CHST10: variants seen among roughly 807,000 people sequenced by gnomAD.
The protein encoded by CHST10 is carbohydrate sulfotransferase 10.
Under a neutral mutation model 34.7 loss-of-function variants are expected in CHST10, and 24 were observed. The ratio of observed to expected loss-of-function variants is 0.69; its 90% CI spans 0.50 to 0.97. CHST10 has a LOEUF of 0.97. Among genes scored for constraint, CHST10 ranks in the 50% least tolerant of loss-of-function variants. CHST10 has a pLI of 0.00. For missense variants in CHST10, 402 were observed against 452.1 expected, an observed-to-expected ratio of 0.89 and a Z score of 1.00; for synonymous variants, 161 against 169.3, an observed-to-expected ratio of 0.95 and a Z score of 0.38.
intron 5 of CHST10, among the ~76,000 whole-genome samples, chr2:100,397,508 G>A (rs1400594395): frequency 6.6e-5 from 10 of 152,212 alleles, no homozygotes; most frequent in Non-Finnish European, 1.5e-5. Context: ...TCACTGCAGA[G>A]AGGGTGACCG....
chr2:100,400,145 G>A (rs1675270729), intron 4 of CHST10, among the ~76,000 whole-genome samples: 1 of 152,196 alleles, frequency 6.6e-6, no homozygotes, highest in African/African-American at 2.4e-5. Flanking sequence ...GTTCCCTTTA[G>A]AAAATGCAGA....
At position 100,395,489 on chromosome 2, in the gene CHST10, T is replaced by G; in HGVS notation, c.533+20A>C. ...GGTTTACAAAAACTCCCCCCTCCCC[T>G]TTGAGGAAGCTGTTCTCACCGCTTC... is the stretch of plus-strand genomic sequence containing the variant. On this transcript the variant is annotated intron_variant, in intron 6 of 6. Coordinates refer to ENST00000264249, the MANE Select transcript of CHST10 (RefSeq NM_004854.5). The G allele has an allele frequency of 6.2e-7, 1 of 1,601,928 alleles. No homozygotes were observed. The highest frequency in any genetic ancestry group is 8.5e-7 in the Non-Finnish European group (1 of 1,169,790).
At chr2:100,414,222 G>A (rs1675968366) in intron 2 of CHST10, among the ~76,000 whole-genome samples, 3 of 152,166 alleles carry the variant, frequency 2.0e-5, no homozygotes, top group African/African-American at 7.2e-5. Flanking sequence ...CTCATGCAGA[G>A]TGGGCAAGCA....
At chr2:100,399,986 G>A (rs1161615780) in intron 4 of CHST10, among the ~76,000 whole-genome samples, 3 of 152,114 alleles carry the variant, frequency 2.0e-5, no homozygotes, top group Non-Finnish European at 4.4e-5. Flanking sequence ...AACGGGTCTC[G>A]TTTAACCTCA....
chr2:100,398,928 CT>C (rs553649165), intron 4 of CHST10, among the ~76,000 whole-genome samples: 3 of 152,194 alleles, frequency 2.0e-5, no homozygotes, highest in South Asian at 4.1e-4. Flanking sequence ...CAGAGGCCCC[CT>C]GTCCTCGGTG....
rs533584347 is a variant in CHST10, at chr2:100,400,108, G to A, written c.193-1966C>T. Among the ~76,000 whole-genome samples the A allele has an allele frequency of 7.1e-4, 108 of 152,304 alleles. 1 individual carries two copies. The highest frequency in any genetic ancestry group is 1.1e-3 in the Non-Finnish European group (74 of 68,030). On this transcript the variant is annotated intron_variant, in intron 4 of 6. Transcript: ENST00000264249. Reference sequence around the variant, plus strand: ...ATCATGGATGGCACTCAAGAACAGCGCATCAGGAGAGAGCACCTCCCAACA... The same window carrying A: ...ATCATGGATGGCACTCAAGAACAGCACATCAGGAGAGAGCACCTCCCAACA...
At chr2:100,416,561 G>A (rs1676076258) in intron 1 of CHST10, 1 of 166,318 alleles carries the variant, frequency 6.0e-6, no homozygotes, top group Admixed American at 5.8e-5. Flanking sequence ...TTGGTTATCA[G>A]AGAGCCAGAG....
intron 1 of CHST10, 101 bp from the exon 2 acceptor site, chr2:100,415,212 T>C (rs1676017500): frequency 7.0e-6 from 4 of 569,596 alleles, no homozygotes; most frequent in Admixed American, 3.8e-5. Context: ...TAGTGAACCA[T>C]TTTGATGATT....
At chr2:100,414,788 C>CAAT (rs1346581683) in intron 2 of CHST10, among the ~76,000 whole-genome samples, 2 of 152,016 alleles carry the variant, frequency 1.3e-5, no homozygotes, top group African/African-American at 4.8e-5. Context: ...TTTTCATGAA[C>CAAT]AATAATAATA....
intron 2 of CHST10, 22 bp downstream of exon 2, chr2:100,415,019 G>C: frequency 5.4e-6 from 7 of 1,296,680 alleles, no homozygotes; most frequent in Non-Finnish European, 7.1e-6. Context: ...TAACTGATGA[G>C]CTCACATTCT....
intron 4 of CHST10, among the ~76,000 whole-genome samples, chr2:100,400,971 G>A (rs555018348): frequency 3.3e-5 from 5 of 152,302 alleles, no homozygotes; most frequent in African/African-American, 1.2e-4. Flanking sequence ...GTGAGGCACC[G>A]CACCTGGCCA....
At chr2:100,403,680 C>A (rs1675439625) in intron 3 of CHST10, among the ~76,000 whole-genome samples, 1 of 152,162 alleles carries the variant, frequency 6.6e-6, no homozygotes, top group African/African-American at 2.4e-5. Context: ...AGCCCGGGAG[C>A]ACTGAGGCCA....
At chr2:100,414,273 C>G (rs1294157509) in intron 2 of CHST10, among the ~76,000 whole-genome samples, 2 of 152,094 alleles carry the variant, frequency 1.3e-5, no homozygotes, top group African/African-American at 4.8e-5. Flanking sequence ...GTCAATGGCC[C>G]TTTACTGACA....
intron 2 of CHST10, among the ~76,000 whole-genome samples, chr2:100,413,150 C>T (rs1031617847): frequency 1.3e-5 from 2 of 152,204 alleles, no homozygotes; most frequent in Non-Finnish European, 2.9e-5. Flanking sequence ...AGGGCTGCTG[C>T]TCTCCCTACA....
At chr2:100,416,760 G>T (rs1009534363) in intron 1 of CHST10, 1 of 357,146 alleles carries the variant, frequency 2.8e-6, no homozygotes, top group Admixed American at 3.7e-5. Context: ...ACCAGAACCT[G>T]GCTGCACTAC....
At chr2:100,406,325 C>G (rs1675571299) in intron 3 of CHST10, among the ~76,000 whole-genome samples, 1 of 152,184 alleles carries the variant, frequency 6.6e-6, no homozygotes, top group African/African-American at 2.4e-5. Flanking sequence ...TAGGCACCAC[C>G]CAGGCCTCAG....
At position 100,398,112 on chromosome 2, in the gene CHST10, G is replaced by C. The variant is rs2104325932; in HGVS notation, c.223C>G (p.Leu75Val). ...TCCATGTAGACCAGGGGCTGAACGAGCTGGCTGTCTGGAAGCTCCTTCCCA... is the reference window on the plus strand; with the variant it reads ...TCCATGTAGACCAGGGGCTGAACGACCTGGCTGTCTGGAAGCTCCTTCCCA... ...PTGKELPDSQ[L>V]VQPLVYMERL... is the part of the protein sequence containing the mutation. The change falls in exon 5 of 7, where the codon CTC (leucine) becomes GTC (valine). Residue 75 changes from leucine to valine, a missense_variant. Transcript: ENST00000264249. 2 of 1,613,448 alleles carry C rather than the reference G, an allele frequency of 1.2e-6. No homozygotes were observed. Among genetic ancestry groups the C allele is most frequent in the Non-Finnish European group, 8.5e-7 (1 of 1,179,710 alleles).
chr2:100,406,322 C>T (rs1368049624), intron 3 of CHST10, among the ~76,000 whole-genome samples: 1 of 152,210 alleles, frequency 6.6e-6, no homozygotes, highest in Non-Finnish European at 1.5e-5. Flanking sequence ...TCCTAGGCAC[C>T]ACCCAGGCCT....
chr2:100,407,208 C>A (rs1274222996), intron 2 of CHST10, among the ~76,000 whole-genome samples: 3 of 152,174 alleles, frequency 2.0e-5, no homozygotes, highest in African/African-American at 7.2e-5. Flanking sequence ...CCTAGAGAAG[C>A]TCTAAAAAAG....
Sources: gnomAD v4.1 joint callset for allele counts (sites outside exome capture counted in the v4.1 genomes callset) on GRCh38, gnomAD v4.1.1 for gene constraint, MANE v1.5 for transcripts, NCBI Gene and HGNC (gene_info 2026-07-23, HGNC 2026-07-21) for gene names.